PRKAR1B: variants seen among roughly 807,000 people sequenced by gnomAD.
PRKAR1B encodes the protein protein kinase cAMP-dependent type I regulatory subunit beta, also known as cAMP-dependent protein kinase type I-beta regulatory subunit.
PRKAR1B carries 22 observed loss-of-function variants against 46.5 expected under a neutral mutation model. The observed-to-expected ratio is 0.47, with a 90% confidence interval of 0.34 to 0.68. The LOEUF (loss-of-function observed/expected upper bound fraction) is 0.68. Ranked by LOEUF, PRKAR1B falls within the 30% of genes least tolerant of loss-of-function variation. PRKAR1B has a pLI of 0.01. For missense variants in PRKAR1B, 445 were observed against 535.6 expected (o/e 0.83, Z 1.67); for synonymous variants, 259 against 217.7 (o/e 1.19, Z -1.67).
intron 2 of PRKAR1B, among the ~76,000 whole-genome samples, chr7:686,142 T>C (rs891284216): frequency 1.3e-5 from 2 of 151,706 alleles, no homozygotes; most frequent in Non-Finnish European, 2.9e-5. Context: ...CTACTAAAAA[T>C]ACAAAAAAAT....
At position 663,127 on chromosome 7, in the gene PRKAR1B, C is replaced by T. The variant is rs929393691; in HGVS notation, c.440+14102G>A. Among the ~76,000 whole-genome samples the T allele has an allele frequency of 3.9e-5, 6 of 152,190 alleles. No individual in the cohort carries two copies. In the East Asian group the frequency reaches 5.8e-4, roughly 15 times the overall value. On this transcript the variant is annotated intron_variant, in intron 4 of 10. Coordinates refer to ENST00000537384, the MANE Select transcript of PRKAR1B (RefSeq NM_001164760.2). Reference sequence around the variant, plus strand: ...TAGGTCTGATGAACAAGGGCCCACCCGCGGGAAGAATCAGTCACTTCCTCA... The same window carrying T: ...TAGGTCTGATGAACAAGGGCCCACCTGCGGGAAGAATCAGTCACTTCCTCA...
intron 7 of PRKAR1B, among the ~76,000 whole-genome samples, chr7:586,180 C>T (rs887914670): frequency 2.4e-4 from 36 of 152,142 alleles, no homozygotes; most frequent in Admixed American, 2.2e-3. Flanking sequence ...ACTCCCAGAG[C>T]GTGAGAAACA....
chr7:616,424 C>T (rs772031008), intron 4 of PRKAR1B, among the ~76,000 whole-genome samples: 2 of 152,250 alleles, frequency 1.3e-5, no homozygotes, highest in Non-Finnish European at 2.9e-5. Flanking sequence ...CTCACTTTGT[C>T]CTCACTGATC....
intron 9 of PRKAR1B, among the ~76,000 whole-genome samples, chr7:552,651 C>CACAG (rs34919364): frequency 0.24 from 36,141 of 152,134 alleles, 4,322 homozygotes; most frequent in Non-Finnish European, 0.25. Flanking sequence ...TGTTCAGACA[C>CACAG]ACAGCTCCTC....
At chr7:723,296 G>C (rs748492199) in intron 1 of PRKAR1B, among the ~76,000 whole-genome samples, 2 of 152,174 alleles carry the variant, frequency 1.3e-5, no homozygotes, top group African/African-American at 2.4e-5. Context: ...TCTCTGTTGG[G>C]CGTCCCCTTT....
intron 8 of PRKAR1B, among the ~76,000 whole-genome samples, chr7:583,908 T>G (rs1281360934): frequency 6.6e-6 from 1 of 152,202 alleles, no homozygotes; most frequent in Non-Finnish European, 1.5e-5. Flanking sequence ...CTGGCCCAGC[T>G]GGCGCCATCG....
intron 1 of PRKAR1B, among the ~76,000 whole-genome samples, chr7:717,296 AG>A (rs1389974850): frequency 6.7e-6 from 1 of 150,338 alleles, no homozygotes; most frequent in Non-Finnish European, 1.5e-5. Flanking sequence ...TCTCAAAAAA[AG>A]AAAGAAAGAA....
intron 9 of PRKAR1B, among the ~76,000 whole-genome samples, chr7:553,704 T>C (rs1562513776): frequency 2.6e-5 from 4 of 151,806 alleles, no homozygotes; most frequent in Non-Finnish European, 5.9e-5. Flanking sequence ...AGGCTGTACC[T>C]GGGTTAATGA....
chr7:611,087 C>T (rs908025427), intron 4 of PRKAR1B, among the ~76,000 whole-genome samples: 13 of 152,244 alleles, frequency 8.5e-5, no homozygotes, highest in Non-Finnish European at 1.3e-4. Context: ...ACTGCTGTTC[C>T]GTCCAGTTTC....
At chr7:660,947 A>G (rs892914971) in intron 4 of PRKAR1B, among the ~76,000 whole-genome samples, 8 of 120,552 alleles carry the variant, frequency 6.6e-5, no homozygotes, top group South Asian at 3.2e-4. Flanking sequence ...ACGGGTCCAA[A>G]TACTTACTCT....
upstream of PRKAR1B, among the ~76,000 whole-genome samples, chr7:728,052 C>T (rs956721476): frequency 6.6e-6 from 1 of 152,164 alleles, no homozygotes; most frequent in East Asian, 1.9e-4. Flanking sequence ...CCTTTCCGCT[C>T]TGGCTTGGAC....
At chr7:568,897 A>G (rs1346094004) in intron 9 of PRKAR1B, among the ~76,000 whole-genome samples, 1 of 151,626 alleles carries the variant, frequency 6.6e-6, no homozygotes, top group African/African-American at 2.4e-5. Context: ...TACGGGTGGG[A>G]AACAAGATCT....
rs372467678 is a variant in PRKAR1B, at chr7:551,462, C to T, written c.900G>A (p.Ala300=). ...TGGGGGACCGGCGCTGCAGCACGGA[C>T]GCGGTGCCCTGTGGGTGGAGGTGGA... ...DDFYIITEGT[A]SVLQRRSPNE... is the part of the protein sequence containing the mutation. Residue 300 remains alanine (A), a synonymous_variant, in exon 10 of 11, where the codon GCG becomes GCA. Coordinates refer to ENST00000537384, the MANE Select transcript of PRKAR1B (RefSeq NM_001164760.2). 65 of 1,554,712 alleles carry T rather than the reference C, an allele frequency of 4.2e-5. No individual in the cohort carries two copies. The highest frequency in any genetic ancestry group is 3.6e-4 in the East Asian group (15 of 42,162).
intron 4 of PRKAR1B, among the ~76,000 whole-genome samples, chr7:672,761 G>A (rs1786335827): frequency 6.6e-6 from 1 of 151,908 alleles, no homozygotes; most frequent in African/African-American, 2.4e-5. Flanking sequence ...CCAGCTACTT[G>A]GAAGGCTGAG....
intron 4 of PRKAR1B, among the ~76,000 whole-genome samples, chr7:651,688 A>G (rs995773290): frequency 1.9e-3 from 263 of 139,480 alleles, no homozygotes; most frequent in African/African-American, 6.1e-3. Flanking sequence ...ACACCCACAC[A>G]GCGCTAGGAA....
chr7:571,665 G>A (rs956531682), intron 9 of PRKAR1B, among the ~76,000 whole-genome samples: 3 of 152,312 alleles, frequency 2.0e-5, no homozygotes, highest in Non-Finnish European at 1.5e-5. Flanking sequence ...ACCGGCTCCC[G>A]GGGTCCAGCT....
intron 2 of PRKAR1B, chr7:691,403 TG>T: frequency 1.0e-6 from 1 of 968,542 alleles, no homozygotes; most frequent in Non-Finnish European, 1.5e-6. Context: ...ATCCCCTGCC[TG>T]GTCAGGAGGG....
intron 1 of PRKAR1B, among the ~76,000 whole-genome samples, chr7:726,274 A>G (rs1449565868): frequency 2.6e-5 from 4 of 152,232 alleles, no homozygotes; most frequent in Non-Finnish European, 5.9e-5. Context: ...TCCAGTCCAC[A>G]GAACCAGCGT....
At chr7:597,959 G>A (rs553302298) in intron 6 of PRKAR1B, among the ~76,000 whole-genome samples, 32 of 152,290 alleles carry the variant, frequency 2.1e-4, no homozygotes, top group African/African-American at 7.7e-4. Context: ...CAAACTCCCA[G>A]GGGACTCTTC....
Sources: allele counts gnomAD v4.1 joint callset (sites outside exome capture counted in the v4.1 genomes callset), GRCh38; gene constraint gnomAD v4.1.1; transcripts MANE v1.5; gene names NCBI Gene and HGNC (gene_info 2026-07-23, HGNC 2026-07-21).